The following LNX2 variants were observed in gnomAD, a reference collection of about 807,000 sequenced individuals.
LNX2 encodes the protein ligand of Numb protein X 2.
LNX2 carries 35 observed loss-of-function variants against 66.2 expected under a neutral mutation model. That is an observed-to-expected ratio of 0.53 (90% CI 0.40 to 0.70). The LOEUF (loss-of-function observed/expected upper bound fraction) is 0.70. LNX2 is among the 30% of genes least tolerant of loss of function. The pLI, the probability that LNX2 is intolerant of heterozygous loss-of-function variation, is 0.00. For synonymous variants in LNX2, 337 were observed against 315.6 expected, an observed-to-expected ratio of 1.07 and a Z score of -0.72; for missense variants, 791 against 850.8, an observed-to-expected ratio of 0.93 and a Z score of 0.87.
intron 3 of LNX2, among the ~76,000 whole-genome samples, chr13:27,568,628 A>G (rs575499735): frequency 1.1e-4 from 16 of 152,366 alleles, no homozygotes; most frequent in Non-Finnish European, 1.8e-4. Flanking sequence ...TAGCTAATAC[A>G]TATAAAATGT....
intron 1 of LNX2, among the ~76,000 whole-genome samples, chr13:27,611,572 G>C (rs1324861612): frequency 6.6e-6 from 1 of 152,164 alleles, no homozygotes; most frequent in Non-Finnish European, 1.5e-5. Context: ...GGTTACGATA[G>C]TAAATTTTAT....
chr13:27,593,704 A>T (rs141451660), intron 1 of LNX2, among the ~76,000 whole-genome samples: 2,494 of 146,124 alleles, frequency 0.017, 22 homozygotes, highest in Non-Finnish European at 0.024. Flanking sequence ...TGTAGCTGGG[A>T]TTACAGGCGC....
At chr13:27,556,586 T>C (rs2181774) in intron 6 of LNX2, among the ~76,000 whole-genome samples, 173 bp from the exon 7 acceptor site, 16,729 of 152,244 alleles carry the variant, frequency 0.11, 1,081 homozygotes, top group East Asian at 0.28. Context: ...TGTGGATCAA[T>C]GTCAAATTTT....
intron 1 of LNX2, among the ~76,000 whole-genome samples, chr13:27,583,979 A>G (rs549085129): frequency 6.6e-6 from 1 of 152,284 alleles, no homozygotes; most frequent in Admixed American, 6.5e-5. Flanking sequence ...GAGAGAAAAA[A>G]TGGACAAGGG....
At chr13:27,582,367 A>C (rs1955408352) in intron 1 of LNX2, among the ~76,000 whole-genome samples, 1 of 152,152 alleles carries the variant, frequency 6.6e-6, no homozygotes, top group Admixed American at 6.5e-5. Context: ...CTTTTGATGA[A>C]AGGTAAAGAC....
chr13:27,580,108 T>C (rs1418723124), intron 2 of LNX2, among the ~76,000 whole-genome samples: 1 of 152,124 alleles, frequency 6.6e-6, no homozygotes, highest in African/African-American at 2.4e-5. Context: ...ATATCAACAA[T>C]ATATTGATAC....
rs193211038 is a variant in LNX2, at chr13:27,568,618, T to C, written c.655+411A>G. ...ACTTAAAATGTTACAAGCATCTAAA[T>C]AGCTAATACATATAAAATGTTTAGC... is the stretch of plus-strand genomic sequence containing the variant. On this transcript the variant is annotated intron_variant, in intron 3 of 9. Coordinates refer to ENST00000316334, the MANE Select transcript of LNX2 (RefSeq NM_153371.4). Among the ~76,000 whole-genome samples the C allele has an allele frequency of 3.1e-3, 471 of 152,306 alleles. 6 individuals carry two copies. The highest frequency in any genetic ancestry group is 0.01 in the African/African-American group (424 of 41,558).
At chr13:27,594,653 T>G (rs1955578132) in intron 1 of LNX2, among the ~76,000 whole-genome samples, 1 of 152,196 alleles carries the variant, frequency 6.6e-6, no homozygotes, top group Admixed American at 6.5e-5. Context: ...GCCTCACACT[T>G]GTGTTCAAAA....
intron 1 of LNX2, among the ~76,000 whole-genome samples, chr13:27,597,205 C>T (rs77814380): frequency 0.044 from 6,696 of 152,230 alleles, 209 homozygotes; most frequent in Non-Finnish European, 0.067. Context: ...AAAAACGGCA[C>T]TCAATATTTT....
intron 6 of LNX2, 39 bp from the exon 7 acceptor site, chr13:27,556,452 A>G (rs369641800): frequency 1.9e-5 from 30 of 1,554,152 alleles, no homozygotes; most frequent in South Asian, 3.4e-5. Flanking sequence ...ATAATGAATA[A>G]AATATAGTTG....
intron 1 of LNX2, among the ~76,000 whole-genome samples, chr13:27,610,162 T>C (rs924080591): frequency 6.6e-6 from 1 of 152,236 alleles, no homozygotes; most frequent in Non-Finnish European, 1.5e-5. Context: ...TTGACATATT[T>C]AGTAGCAGAG....
chr13:27,590,488 G>A (rs548883589), intron 1 of LNX2, among the ~76,000 whole-genome samples: 7 of 151,694 alleles, frequency 4.6e-5, no homozygotes, highest in African/African-American at 7.3e-5. Flanking sequence ...CACGGCCTCC[G>A]AAAGTGCTGG....
At chr13:27,576,304 T>C (rs774698784) in intron 2 of LNX2, among the ~76,000 whole-genome samples, 4 of 152,166 alleles carry the variant, frequency 2.6e-5, no homozygotes, top group Non-Finnish European at 5.9e-5. Context: ...TTTAACACTA[T>C]AGACCAATTA....
chr13:27,567,961 A>C, intron 3 of LNX2, 122 bp from the exon 4 acceptor site: 1 of 782,572 alleles, frequency 1.3e-6, no homozygotes, highest in East Asian at 2.6e-5. Flanking sequence ...ACAGCTAAGC[A>C]GTATCACTGG....
At chr13:27,614,558 A>C (rs936370248) in intron 1 of LNX2, among the ~76,000 whole-genome samples, 20 of 152,094 alleles carry the variant, frequency 1.3e-4, no homozygotes, top group African/African-American at 4.8e-4. Flanking sequence ...GGTAATAATA[A>C]AATTCCAGTC....
At chr13:27,568,761 T>G (rs1955237498) in intron 3 of LNX2, among the ~76,000 whole-genome samples, 1 of 152,108 alleles carries the variant, frequency 6.6e-6, no homozygotes, top group Admixed American at 6.6e-5. Flanking sequence ...GACTAGTGAG[T>G]GCACAGACTG....
chr13:27,551,621 T>G (rs1955008825), intron 8 of LNX2, among the ~76,000 whole-genome samples: 1 of 150,686 alleles, frequency 6.6e-6, no homozygotes, highest in Non-Finnish European at 1.5e-5. Flanking sequence ...TAAATATACA[T>G]AATATAAATA....
chr13:27,548,588 T>A, intron 9 of LNX2, 118 bp from the exon 10 acceptor site: 15 of 1,061,834 alleles, frequency 1.4e-5, no homozygotes, highest in Non-Finnish European at 2.0e-5. Context: ...TGTCAATGGT[T>A]AGGGTGTATA....
intron 1 of LNX2, among the ~76,000 whole-genome samples, chr13:27,594,798 C>T (rs4291782): frequency 0.051 from 7,824 of 152,218 alleles, 211 homozygotes; most frequent in Middle Eastern, 0.095. Flanking sequence ...ACCTAGGCAC[C>T]AAGTTCCCCT....
Sources: gnomAD v4.1 joint callset for allele counts (sites outside exome capture counted in the v4.1 genomes callset) on GRCh38, gnomAD v4.1.1 for gene constraint, MANE v1.5 for transcripts, NCBI Gene and HGNC (gene_info 2026-07-23, HGNC 2026-07-21) for gene names.